OLFM3: variants seen among roughly 807,000 people sequenced by gnomAD.
The protein encoded by OLFM3 is noelin-3.
A neutral mutation model predicts 48.6 loss-of-function variants in OLFM3; 20 were observed. The observed-to-expected ratio is 0.41, with a 90% CI of 0.29 to 0.60. The LOEUF is 0.60. Among genes scored for constraint, OLFM3 ranks in the 20% least tolerant of loss-of-function variants. OLFM3 has a pLI of 0.28. For synonymous variants in OLFM3, 222 were observed against 198.1 expected (o/e 1.12, Z -1.01); for missense variants, 437 against 544.3 (o/e 0.80, Z 1.96).
Position 101,996,903 on chromosome 1 carries a change from T to C in OLFM3, c.-87A>G. 1 of 1,389,270 alleles carries C rather than the reference T, an allele frequency of 7.2e-7. No individual in the cohort carries two copies. Among genetic ancestry groups the C allele is most frequent in the African/African-American group, 1.4e-5 (1 of 70,644 alleles). 86.1% of individuals were successfully genotyped at this position (1,389,270 alleles called of 1,614,324 possible). On this transcript the variant is annotated 5_prime_UTR_variant, in exon 1 of 6. Coordinates refer to ENST00000370103, the MANE Select transcript of OLFM3 (RefSeq NM_058170.4). Reference sequence around the variant, plus strand: ...GACCTTTCCCTCGTCAGTTGCACTTTCTGCCTGCCAGTCAGAGCCGAGTGG... The same window carrying C: ...GACCTTTCCCTCGTCAGTTGCACTTCCTGCCTGCCAGTCAGAGCCGAGTGG...
chr1:101,971,592 T>C (rs1183240359), intron 1 of OLFM3, among the ~76,000 whole-genome samples: 1 of 152,188 alleles, frequency 6.6e-6, no homozygotes, highest in African/African-American at 2.4e-5. Context: ...CATGGTGAGC[T>C]TAAATGAATA....
chr1:101,977,918 CTTTG>C (rs1034281346), intron 1 of OLFM3, among the ~76,000 whole-genome samples: 2 of 152,006 alleles, frequency 1.3e-5, no homozygotes, highest in South Asian at 2.1e-4. Context: ...TATGTTTATA[CTTTG>C]TTTCTTTCTC....
intron 1 of OLFM3, among the ~76,000 whole-genome samples, chr1:101,985,529 A>G (rs1661210799): frequency 6.6e-6 from 1 of 152,176 alleles, no homozygotes; most frequent in Non-Finnish European, 1.5e-5. Flanking sequence ...TCTACTCCCC[A>G]CTATCGGAAA....
chr1:101,920,359 T>TATC (rs1419264793), intron 1 of OLFM3, among the ~76,000 whole-genome samples: 1 of 152,192 alleles, frequency 6.6e-6, no homozygotes, highest in Non-Finnish European at 1.5e-5. Context: ...TCACATGCTC[T>TATC]ATCTCCTTCT....
chr1:101,888,903 G>T (rs957438423), intron 1 of OLFM3, among the ~76,000 whole-genome samples: 10 of 152,184 alleles, frequency 6.6e-5, no homozygotes, highest in Non-Finnish European at 1.0e-4. Context: ...ATGAAAAAAT[G>T]CTCATCATCA....
chr1:101,979,670 C>G (rs765903845), intron 1 of OLFM3, among the ~76,000 whole-genome samples: 5 of 152,160 alleles, frequency 3.3e-5, no homozygotes, highest in African/African-American at 4.8e-5. Flanking sequence ...GAGTGGAACC[C>G]TCATGGAAAA....
chr1:101,957,851 A>G (rs1660343999), intron 1 of OLFM3, among the ~76,000 whole-genome samples: 1 of 152,074 alleles, frequency 6.6e-6, no homozygotes, highest in Non-Finnish European at 1.5e-5. Context: ...GAAACTGTAG[A>G]CAATACTTTC....
At chr1:101,814,266 G>GTT (rs67937847) in intron 4 of OLFM3, among the ~76,000 whole-genome samples, 8,472 of 139,128 alleles carry the variant, frequency 0.061, 394 homozygotes, top group Admixed American at 0.15. Flanking sequence ...CCCAGCTAAG[G>GTT]TTTTTTTTTT....
intron 1 of OLFM3, among the ~76,000 whole-genome samples, chr1:101,878,536 G>A (rs188735979): frequency 1.3e-5 from 2 of 151,978 alleles, no homozygotes; most frequent in Admixed American, 1.3e-4. Flanking sequence ...TAGCACGGAG[G>A]CTCTAACACT....
At chr1:101,970,901 A>G (rs1660765425) in intron 1 of OLFM3, among the ~76,000 whole-genome samples, 1 of 152,112 alleles carries the variant, frequency 6.6e-6, no homozygotes, top group South Asian at 2.1e-4. Context: ...GGCATGACAA[A>G]AATCATGTTT....
chr1:101,811,505 C>A (rs187403278), intron 4 of OLFM3, among the ~76,000 whole-genome samples: 5 of 152,062 alleles, frequency 3.3e-5, no homozygotes, highest in Non-Finnish European at 7.4e-5. Context: ...AAACAAACAA[C>A]CCGATCAAAA....
intron 1 of OLFM3, among the ~76,000 whole-genome samples, chr1:101,867,783 A>G (rs949334497): frequency 3.3e-5 from 5 of 152,214 alleles, no homozygotes; most frequent in Admixed American, 2.6e-4. Flanking sequence ...CATGAGGGTT[A>G]TGCTATGGTT....
intron 1 of OLFM3, among the ~76,000 whole-genome samples, chr1:101,880,401 A>C (rs1324721805): frequency 6.6e-6 from 1 of 151,878 alleles, no homozygotes; most frequent in Non-Finnish European, 1.5e-5. Context: ...TTTCATAGGA[A>C]AGCTGACTGC....
intron 1 of OLFM3, among the ~76,000 whole-genome samples, chr1:101,915,822 G>A (rs1239044673): frequency 6.6e-6 from 1 of 152,044 alleles, no homozygotes; most frequent in Non-Finnish European, 1.5e-5. Context: ...TCCTTAGTAA[G>A]AAGGCCCATT....
At chr1:101,941,530 A>C (rs541643510) in intron 1 of OLFM3, among the ~76,000 whole-genome samples, 31 of 152,292 alleles carry the variant, frequency 2.0e-4, no homozygotes, top group Non-Finnish European at 3.2e-4. Flanking sequence ...CTGGTGAGAC[A>C]GTACAATTTT....
At chr1:101,864,723 G>A (rs186063500) in intron 1 of OLFM3, among the ~76,000 whole-genome samples, 1 of 152,264 alleles carries the variant, frequency 6.6e-6, no homozygotes, top group East Asian at 1.9e-4. Context: ...GTGTGGTTGA[G>A]GGGGTTTTGT....
At chr1:101,899,934 T>C (rs181054940) in intron 1 of OLFM3, among the ~76,000 whole-genome samples, 9 of 152,322 alleles carry the variant, frequency 5.9e-5, no homozygotes, top group Admixed American at 4.6e-4. Context: ...TATTTCTTTG[T>C]TCTAATTTTA....
At chr1:101,826,231 G>A (rs934897633) in intron 3 of OLFM3, among the ~76,000 whole-genome samples, 14 of 151,218 alleles carry the variant, frequency 9.3e-5, no homozygotes, top group South Asian at 4.2e-4. Context: ...ACTGAAGCAC[G>A]CCTACAGTTT....
At chr1:101,946,389 AGTT>A (rs1195777022) in intron 1 of OLFM3, among the ~76,000 whole-genome samples, 2 of 152,232 alleles carry the variant, frequency 1.3e-5, no homozygotes, top group African/African-American at 4.8e-5. Context: ...TGGTTTTCAA[AGTT>A]GTTAAGCAAG....
Sources: allele counts gnomAD v4.1 joint callset (sites outside exome capture counted in the v4.1 genomes callset), GRCh38; gene constraint gnomAD v4.1.1; transcripts MANE v1.5; gene names NCBI Gene and HGNC (gene_info 2026-07-23, HGNC 2026-07-21).